PTPRD: variants seen among roughly 807,000 people sequenced by gnomAD.
PTPRD encodes the protein protein tyrosine phosphatase receptor type D.
A neutral mutation model predicts 214.5 loss-of-function variants in PTPRD; 34 were observed. The ratio of observed to expected loss-of-function variants is 0.16; its 90% CI spans 0.12 to 0.21. PTPRD has a LOEUF of 0.21. Ranked by LOEUF, PTPRD falls within the 10% of genes least tolerant of loss-of-function variation. PTPRD has a pLI of 1.00. For missense variants in PTPRD, 2,545 were observed against 2,398.7 expected (o/e 1.06, Z -1.27); for synonymous variants, 1,128 against 845.7 (o/e 1.33, Z -5.79).
intron 2 of PTPRD, among the ~76,000 whole-genome samples, chr9:10,355,581 C>T (rs866002971): frequency 3.3e-5 from 5 of 151,254 alleles, no homozygotes; most frequent in African/African-American, 1.2e-4. Flanking sequence ...TGGGTTCAAG[C>T]GATTCTCCTT....
rs188622697 is a variant in PTPRD, at chr9:8,947,644, G to A, written c.-104+71053C>T. Among the ~76,000 whole-genome samples, 104 of 152,176 alleles carry A rather than the reference G, an allele frequency of 6.8e-4. No homozygotes were observed. In the East Asian group the frequency reaches 0.014, roughly 20 times the overall value. ...CTTAGGGTCCAGATGAACTCCTAGA[G>A]TTCTGTGCTTTTGTTTTGTTTTGTT... On this transcript the variant is annotated intron_variant, in intron 11 of 45. Coordinates refer to ENST00000381196, the MANE Select transcript of PTPRD (RefSeq NM_002839.4).
chr9:10,076,649 G>A (rs1337942645), intron 3 of PTPRD, among the ~76,000 whole-genome samples: 1 of 152,104 alleles, frequency 6.6e-6, no homozygotes, highest in African/African-American at 2.4e-5. Context: ...TGCCTAGGCT[G>A]AAGTGACCAT....
At chr9:8,705,218 G>T (rs1445484513) in intron 12 of PTPRD, among the ~76,000 whole-genome samples, 1 of 152,044 alleles carries the variant, frequency 6.6e-6, no homozygotes, top group African/African-American at 2.4e-5. Flanking sequence ...AATTTTTGTT[G>T]TTGTTACTGT....
chr9:9,978,947 T>A (rs1455777096), intron 4 of PTPRD, among the ~76,000 whole-genome samples: 3 of 152,072 alleles, frequency 2.0e-5, no homozygotes, highest in African/African-American at 7.2e-5. Context: ...GCAAAATTCT[T>A]ATCAGAAATC....
intron 12 of PTPRD, among the ~76,000 whole-genome samples, chr9:8,696,619 A>T (rs557028721): frequency 2.0e-5 from 3 of 152,322 alleles, no homozygotes; most frequent in African/African-American, 7.2e-5. Flanking sequence ...ACGGAGAAAG[A>T]ATTACAAGAA....
At chr9:10,603,693 C>G (rs1378669036) in intron 2 of PTPRD, among the ~76,000 whole-genome samples, 3 of 151,734 alleles carry the variant, frequency 2.0e-5, no homozygotes, top group Non-Finnish European at 2.9e-5. Context: ...AGATATGAAG[C>G]AGTCAATAAG....
chr9:8,876,200 G>C (rs2098387684), intron 11 of PTPRD, among the ~76,000 whole-genome samples: 1 of 149,618 alleles, frequency 6.7e-6, no homozygotes, highest in Non-Finnish European at 1.5e-5. Context: ...CAAACCAAGA[G>C]AGCCTATCTG....
chr9:9,916,140 CA>C (rs2080730555), intron 5 of PTPRD, among the ~76,000 whole-genome samples: 2 of 149,782 alleles, frequency 1.3e-5, no homozygotes, highest in South Asian at 4.2e-4. Flanking sequence ...AACCATCTTT[CA>C]AAAATGGAGG....
At chr9:8,846,625 A>G (rs1328693112) in intron 11 of PTPRD, among the ~76,000 whole-genome samples, 6 of 152,180 alleles carry the variant, frequency 3.9e-5, no homozygotes, top group African/African-American at 1.4e-4. Context: ...GGGACATTCC[A>G]AATGGAAGAG....
chr9:9,717,795 C>G (rs12376836), intron 7 of PTPRD, among the ~76,000 whole-genome samples: 4 of 152,182 alleles, frequency 2.6e-5, no homozygotes, highest in Non-Finnish European at 5.9e-5. Flanking sequence ...ATTTCTCAGA[C>G]CCTCCATTTA....
chr9:8,842,367 T>C (rs1208308996), intron 11 of PTPRD, among the ~76,000 whole-genome samples: 1 of 152,152 alleles, frequency 6.6e-6, no homozygotes, highest in Non-Finnish European at 1.5e-5. Flanking sequence ...TATCTTATAA[T>C]GAGATTATAT....
chr9:9,268,336 A>G (rs1941120308), intron 9 of PTPRD, among the ~76,000 whole-genome samples: 1 of 149,664 alleles, frequency 6.7e-6, no homozygotes, highest in African/African-American at 2.5e-5. Flanking sequence ...TAATGAAAAT[A>G]TAAGACATCG....
chr9:8,918,477 T>C (rs920517644), intron 11 of PTPRD, among the ~76,000 whole-genome samples: 6 of 152,218 alleles, frequency 3.9e-5, no homozygotes, highest in Admixed American at 6.5e-5. Flanking sequence ...TTTTAGAACA[T>C]CAGCATTTAA....
intron 8 of PTPRD, among the ~76,000 whole-genome samples, chr9:9,423,893 G>T (rs2142758359): frequency 6.6e-6 from 1 of 152,224 alleles, no homozygotes; most frequent in South Asian, 2.1e-4. Flanking sequence ...GAGAAACAAT[G>T]AAAAGGTCTA....
At chr9:9,690,949 T>A (rs1301768005) in intron 7 of PTPRD, among the ~76,000 whole-genome samples, 1 of 151,990 alleles carries the variant, frequency 6.6e-6, no homozygotes, top group Admixed American at 6.6e-5. Flanking sequence ...ATTCAGGGTG[T>A]TTTATGGTTT....
chr9:9,735,532 A>T (rs2098277472), intron 6 of PTPRD, among the ~76,000 whole-genome samples: 1 of 152,082 alleles, frequency 6.6e-6, no homozygotes, highest in South Asian at 2.1e-4. Flanking sequence ...CTGTCAGAAA[A>T]TTTAAATTAG....
intron 2 of PTPRD, among the ~76,000 whole-genome samples, chr9:10,530,754 T>C (rs760819900): frequency 1.2e-4 from 19 of 152,286 alleles, no homozygotes; most frequent in Non-Finnish European, 2.1e-4. Flanking sequence ...CAGTGAACTA[T>C]AATGTATTGA....
intron 6 of PTPRD, among the ~76,000 whole-genome samples, chr9:9,763,946 A>C (rs1365230775): frequency 2.6e-5 from 4 of 151,964 alleles, no homozygotes; most frequent in Admixed American, 2.0e-4. Flanking sequence ...CCAATTCCTC[A>C]TTTTTTAAAA....
At chr9:8,717,399 A>G (rs144957015) in intron 12 of PTPRD, among the ~76,000 whole-genome samples, 4 of 152,262 alleles carry the variant, frequency 2.6e-5, no homozygotes, top group Non-Finnish European at 4.4e-5. Flanking sequence ...CACCTCTTGA[A>G]TAAGTTTTGT....
Sources: allele counts gnomAD v4.1 joint callset (sites outside exome capture counted in the v4.1 genomes callset), GRCh38; gene constraint gnomAD v4.1.1; transcripts MANE v1.5; gene names NCBI Gene and HGNC (gene_info 2026-07-23, HGNC 2026-07-21).